LIPA: variants seen among roughly 807,000 people sequenced by gnomAD.
LIPA encodes lysosomal acid lipase/cholesteryl ester hydrolase.
A neutral mutation model predicts 40.6 loss-of-function variants in LIPA; 26 were observed. The observed-to-expected ratio is 0.64, with a 90% CI of 0.47 to 0.89. The LOEUF (loss-of-function observed/expected upper bound fraction) is 0.89. Among genes scored for constraint, LIPA ranks in the 40% least tolerant of loss-of-function variants. The pLI is 0.00. For synonymous variants in LIPA, 188 were observed against 168.4 expected, an observed-to-expected ratio of 1.12 and a Z score of -0.90; for missense variants, 455 against 479.6, an observed-to-expected ratio of 0.95 and a Z score of 0.48.
intron 2 of LIPA, among the ~76,000 whole-genome samples, chr10:89,401,178 G>A (rs150394863): frequency 0.026 from 3,906 of 150,622 alleles, 159 homozygotes; most frequent in African/African-American, 0.09. Flanking sequence ...GTGCAGTGGC[G>A]CGATCTCAGC....
At chr10:89,234,322 G>C (rs1171570733) in intron 3 of LIPA, among the ~76,000 whole-genome samples, 1 of 152,186 alleles carries the variant, frequency 6.6e-6, no homozygotes, top group Non-Finnish European at 1.5e-5. Context: ...GGAATAGGAA[G>C]GACTTCATGG....
chr10:89,335,122 C>T (rs919115124), intron 1 of LIPA, among the ~76,000 whole-genome samples: 1 of 152,038 alleles, frequency 6.6e-6, no homozygotes, highest in Non-Finnish European at 1.5e-5. Flanking sequence ...TATCAAATAC[C>T]TCATCAAATT....
At chr10:89,250,773 A>G (rs1793797455) in intron 1 of LIPA, among the ~76,000 whole-genome samples, 1 of 152,174 alleles carries the variant, frequency 6.6e-6, no homozygotes, top group African/African-American at 2.4e-5. Flanking sequence ...ACAACACTAC[A>G]TACTTAGTAT....
intron 6 of LIPA, among the ~76,000 whole-genome samples, chr10:89,224,442 C>A (rs1223812904): frequency 6.6e-6 from 1 of 152,162 alleles, no homozygotes; most frequent in Admixed American, 6.5e-5. Flanking sequence ...AGACGTTATA[C>A]CTCATTTCAT....
intron 1 of LIPA, among the ~76,000 whole-genome samples, chr10:89,269,068 T>C (rs893518598): frequency 1.9e-4 from 28 of 150,622 alleles, no homozygotes; most frequent in African/African-American, 5.1e-4. Flanking sequence ...TTCACACCTC[T>C]AATCCCAGCA....
intron 2 of LIPA, among the ~76,000 whole-genome samples, chr10:89,399,997 G>C (rs80030105): frequency 1.3e-5 from 2 of 152,262 alleles, no homozygotes; most frequent in Non-Finnish European, 1.5e-5. Context: ...TTCTAGCCTC[G>C]AGAACTGTAA....
chr10:89,348,252 A>G (rs1463496727), intron 2 of LIPA, among the ~76,000 whole-genome samples: 2 of 152,226 alleles, frequency 1.3e-5, no homozygotes, highest in African/African-American at 4.8e-5. Flanking sequence ...CTGAAAAACA[A>G]AAAGATTGTT....
chr10:89,382,674 C>T (rs1844171905), intron 2 of LIPA, among the ~76,000 whole-genome samples: 2 of 152,284 alleles, frequency 1.3e-5, no homozygotes, highest in Non-Finnish European at 1.5e-5. Flanking sequence ...TTCTTCTGTC[C>T]CCATCAGTAA....
intron 1 of LIPA, among the ~76,000 whole-genome samples, chr10:89,290,646 C>T (rs886139122): frequency 5.3e-5 from 8 of 152,156 alleles, no homozygotes; most frequent in Non-Finnish European, 1.2e-4. Context: ...TTGTGAAATT[C>T]CTTTTCCTGG....
intron 1 of LIPA, chr10:89,338,835 A>G: frequency 1.2e-6 from 2 of 1,614,204 alleles, no homozygotes; most frequent in South Asian, 2.2e-5. Context: ...TGGCCTACAT[A>G]AAACACCTAG....
chr10:89,332,429 A>T, intron 1 of LIPA: 1 of 1,365,950 alleles, frequency 7.3e-7, no homozygotes, highest in Non-Finnish European at 9.7e-7. Flanking sequence ...GTTCTCACAG[A>T]TTCTGTTTCA....
chr10:89,351,229 C>T (rs1251102626), intron 2 of LIPA, among the ~76,000 whole-genome samples: 4 of 152,092 alleles, frequency 2.6e-5, no homozygotes, highest in African/African-American at 7.2e-5. Flanking sequence ...GGTAGGAAGA[C>T]GGCTTGAGCC....
chr10:89,381,289 T>C (rs1234180970), intron 2 of LIPA, among the ~76,000 whole-genome samples: 1 of 152,104 alleles, frequency 6.6e-6, no homozygotes, highest in Non-Finnish European at 1.5e-5. Flanking sequence ...ACGATTTGGG[T>C]CAAAAACTCT....
intron 1 of LIPA, chr10:89,332,561 G>C (rs1238457680): frequency 1.2e-6 from 2 of 1,613,864 alleles, no homozygotes; most frequent in East Asian, 4.5e-5. Context: ...CTTGGAATCA[G>C]TAAGCTAAAA....
intron 2 of LIPA, chr10:89,383,976 T>A: frequency 6.2e-7 from 1 of 1,614,140 alleles, no homozygotes; most frequent in Non-Finnish European, 8.5e-7. Flanking sequence ...ATATTAGGGT[T>A]CTCCTTGCCC....
chr10:89,336,436 C>A (rs1213561318), intron 1 of LIPA, among the ~76,000 whole-genome samples: 2 of 152,178 alleles, frequency 1.3e-5, no homozygotes, highest in Non-Finnish European at 2.9e-5. Context: ...CACTATAAAG[C>A]ATTTCATGTG....
At chr10:89,234,526 C>T (rs904902952) in intron 3 of LIPA, among the ~76,000 whole-genome samples, 1 of 152,188 alleles carries the variant, frequency 6.6e-6, no homozygotes, top group Non-Finnish European at 1.5e-5. Context: ...GCTTCCAAAC[C>T]TCTTGCCCCT....
chr10:89,307,482 C>A, intron 1 of LIPA: 2 of 894,542 alleles, frequency 2.2e-6, no homozygotes, highest in Non-Finnish European at 3.4e-6. Flanking sequence ...AAAGATTGGA[C>A]TAAGACACTG....
chr10:89,268,748 A>T (rs1843250382), intron 1 of LIPA, among the ~76,000 whole-genome samples: 1 of 152,190 alleles, frequency 6.6e-6, no homozygotes, highest in South Asian at 2.1e-4. Context: ...GCACTTTGGG[A>T]TGCTGAGGCG....
Sources: gnomAD v4.1 joint callset for allele counts (sites outside exome capture counted in the v4.1 genomes callset) on GRCh38, gnomAD v4.1.1 for gene constraint, MANE v1.5 for transcripts, NCBI Gene and HGNC (gene_info 2026-07-23, HGNC 2026-07-21) for gene names.